Variants in LIMS2 observed in about 807,000 individuals in gnomAD.
LIMS2 encodes LIM zinc finger domain containing 2, also known as LIM and senescent cell antigen-like-containing domain protein 2.
A neutral mutation model predicts 45.3 loss-of-function variants in LIMS2; 30 were observed. The observed-to-expected ratio is 0.66, with a 90% CI of 0.50 to 0.90. LIMS2 has a LOEUF of 0.90. Among genes scored for constraint, LIMS2 ranks in the 40% least tolerant of loss-of-function variants. The probability of loss-of-function intolerance (pLI) is 0.00; values close to 1 mark genes in which losing one functional copy is unlikely to be tolerated. For synonymous variants in LIMS2, 173 were observed against 188.0 expected (o/e 0.92, Z 0.65); for missense variants, 485 against 468.7 (o/e 1.03, Z -0.32).
chr2:127,660,169 C>A (rs1268530964), intron 1 of LIMS2, among the ~76,000 whole-genome samples: 1 of 152,226 alleles, frequency 6.6e-6, no homozygotes, highest in Non-Finnish European at 1.5e-5. Flanking sequence ...TTTGTAAACA[C>A]ACCAATCAGC....
At chr2:127,656,056 AC>A (rs1331366280) in intron 2 of LIMS2, 1 of 152,266 alleles carries the variant, frequency 6.6e-6, no homozygotes, top group African/African-American at 2.4e-5. Context: ...CAGTGGCCAC[AC>A]CAGCACAATG....
intron 6 of LIMS2, chr2:127,641,469 A>G: frequency 5.6e-6 from 1 of 177,060 alleles, no homozygotes; most frequent in Non-Finnish European, 1.2e-5. Flanking sequence ...GCATGTGAGG[A>G]TGAGGGCTGG....
chr2:127,644,374 A>G (rs1682738805), intron 4 of LIMS2, among the ~76,000 whole-genome samples: 1 of 152,196 alleles, frequency 6.6e-6, no homozygotes, highest in African/African-American at 2.4e-5. Flanking sequence ...CACCCCAGCG[A>G]CGGGAAGCAG....
chr2:127,640,865 C>T (rs760485874), intron 7 of LIMS2, 31 bp downstream of exon 7: 65 of 1,595,708 alleles, frequency 4.1e-5, no homozygotes, highest in Non-Finnish European at 5.1e-5. Flanking sequence ...CCTCCAGACC[C>T]GCATCCCTGA....
At chr2:127,669,649 C>T (rs1685189461) in intron 1 of LIMS2, among the ~76,000 whole-genome samples, 1 of 151,754 alleles carries the variant, frequency 6.6e-6, no homozygotes, top group African/African-American at 2.4e-5. Flanking sequence ...ACCCAGGAGG[C>T]GGAGGTTGCA....
At chr2:127,644,240 C>G (rs545585396) in intron 4 of LIMS2, 42 of 380,248 alleles carry the variant, frequency 1.1e-4, no homozygotes, top group Non-Finnish European at 2.2e-4. Flanking sequence ...ATGTGCCCAG[C>G]AGGGGGCAAC....
rs1319280877 is a variant in LIMS2, at chr2:127,675,499, TC to T, written c.-476del. 6.6e-6 allele frequency among the ~76,000 whole-genome samples: 1 copy of T among 151,796 alleles called. No individual in the cohort carries two copies. The highest frequency in any genetic ancestry group is 1.9e-4 in the East Asian group (1 of 5,150). ...CGGCCAGCGGCGGGCGCGGGTCAAG[TC>T]CTTCCCAACCCGGGCTCTGCTCGCC... On this transcript the variant is annotated 5_prime_UTR_variant, in exon 1 of 10. Transcript: ENST00000355119.
At chr2:127,644,302 G>A (rs972806617) in intron 4 of LIMS2, among the ~76,000 whole-genome samples, 2 of 152,220 alleles carry the variant, frequency 1.3e-5, no homozygotes, top group African/African-American at 2.4e-5. Context: ...CTCTACAAGA[G>A]AGGAAGGGAG....
chr2:127,678,696 G>C (rs911173553), upstream of LIMS2, among the ~76,000 whole-genome samples: 3 of 152,194 alleles, frequency 2.0e-5, no homozygotes, highest in Non-Finnish European at 2.9e-5. This position sits in a 1 kb window ranked among gnomAD's most constrained non-coding sequence, Gnocchi z 5.3. Flanking sequence ...GTGTGTGGCA[G>C]GTGTGAATGT....
At chr2:127,644,365 A>C (rs1298529682) in intron 4 of LIMS2, among the ~76,000 whole-genome samples, 2 of 152,058 alleles carry the variant, frequency 1.3e-5, no homozygotes, top group Non-Finnish European at 2.9e-5. Context: ...TGGCTCTTAC[A>C]CCCCAGCGAC....
chr2:127,651,031 T>C lies in LIMS2; in HGVS notation c.359+3393A>G. On this transcript the variant is annotated intron_variant, in intron 4 of 9. Transcript: ENST00000355119. The stretch of plus-strand genomic sequence containing the variant: ...CACTTCTCTGGGAACCACTGGCCAT[T>C]TGGGGAAATCGCATGCCGTCTCACC... 1.2e-6 allele frequency: 2 copies of C among 1,613,804 alleles called. No homozygotes were observed. The highest frequency in any genetic ancestry group is 1.7e-6 in the Non-Finnish European group (2 of 1,180,036).
chr2:127,640,219 C>A (rs376917979), intron 8 of LIMS2, 51 bp downstream of exon 8: 23 of 1,612,478 alleles, frequency 1.4e-5, no homozygotes, highest in Non-Finnish European at 1.8e-5. Context: ...AGCTGCAGCA[C>A]CCAGGCCCCA....
rs1683975665 is a variant in LIMS2 at position 127,653,184 on chromosome 2, CG to C, written c.359+1239del. On this transcript the variant is annotated intron_variant, in intron 4 of 9. Coordinates refer to ENST00000355119, the MANE Select transcript of LIMS2 (RefSeq NM_001161403.3). The surrounding 1 kb of genome is among the most constrained non-coding windows in gnomAD (Gnocchi z 5.3). ...ACGTGCCTCTCTCACGGGCAGCACA[CG>C]GACAAGAGCTCGGTAGTGTCGGGGA... Among the ~76,000 whole-genome samples the C allele has an allele frequency of 6.6e-6, 1 of 152,208 alleles. No individual in the cohort carries two copies. The highest frequency in any genetic ancestry group is 2.4e-5 in the African/African-American group (1 of 41,446).
At chr2:127,650,055 G>C (rs1210914746) in intron 4 of LIMS2, 1 of 1,607,458 alleles carries the variant, frequency 6.2e-7, no homozygotes, top group Non-Finnish European at 8.5e-7. Flanking sequence ...AAGCCCCCAA[G>C]AGAGATGCTG....
upstream of LIMS2, among the ~76,000 whole-genome samples, chr2:127,676,204 T>C (rs1323009906): frequency 1.3e-5 from 2 of 152,158 alleles, no homozygotes; most frequent in African/African-American, 4.8e-5. Context: ...GGCGGCCTGA[T>C]GTGTAAATGT....
chr2:127,657,535 G>A lies in LIMS2; in HGVS notation c.39C>T (p.Ala13=), dbSNP rs143117627. ...GSNMSDALAN[A]VCQRCQARFS... ...AGCGGGCCTGGCAGCGCTGGCACAC[G>A]GCGTTGGCCAAGGCGTCCGACATAT... Residue 13 remains alanine, a synonymous_variant, in exon 2 of 10, where the codon GCC becomes GCT. Coordinates refer to ENST00000355119, the MANE Select transcript of LIMS2 (RefSeq NM_001161403.3). 2.0e-3 allele frequency: 3,294 copies of A among 1,609,554 alleles called. 15 individuals are homozygous for A. Among genetic ancestry groups the A allele is most frequent in the Middle Eastern group, 4.5e-3 (27 of 6,010 alleles).
chr2:127,649,853 G>A (rs550685280), intron 4 of LIMS2: 16 of 646,486 alleles, frequency 2.5e-5, no homozygotes, highest in East Asian at 1.4e-4. Flanking sequence ...CCTCAACAGC[G>A]CTGGCCAGTG....
At chr2:127,659,704 A>T (rs1373646625) in intron 1 of LIMS2, among the ~76,000 whole-genome samples, 1 of 152,298 alleles carries the variant, frequency 6.6e-6, no homozygotes, top group Admixed American at 6.5e-5. Flanking sequence ...CCAGAAAACG[A>T]AGCCAAATTA....
chr2:127,674,448 G>C (rs1447087807), intron 1 of LIMS2: 1 of 192,262 alleles, frequency 5.2e-6, no homozygotes, highest in Non-Finnish European at 9.6e-6. Context: ...AGGGGCCTGA[G>C]AGCAGAGGGT....
Sources: gnomAD v4.1 joint callset for allele counts (sites outside exome capture counted in the v4.1 genomes callset) on GRCh38, gnomAD v4.1.1 for gene constraint, Gnocchi (gnomAD v3.1) non-coding constraint, MANE v1.5 for transcripts, NCBI Gene and HGNC (gene_info 2026-07-23, HGNC 2026-07-21) for gene names.